ANKRA2: variants seen among roughly 807,000 people sequenced by gnomAD.
The protein encoded by ANKRA2 is ankyrin repeat family A member 2.
A neutral mutation model predicts 37.8 loss-of-function variants in ANKRA2; 33 were observed. The ratio of observed to expected loss-of-function variants is 0.87; its 90% CI spans 0.66 to 1.17. The LOEUF (loss-of-function observed/expected upper bound fraction) is 1.17, where lower values mean the gene tolerates loss of function less well. ANKRA2 is among the 50% of genes most tolerant of loss of function. The pLI is 0.00. For missense variants in ANKRA2, 326 were observed against 373.7 expected (o/e 0.87, Z 1.05); for synonymous variants, 126 against 132.3 (o/e 0.95, Z 0.33).
At position 73,565,130 on chromosome 5, in the gene ANKRA2, AC is replaced by A. The variant is rs1201558766; in HGVS notation, c.-105+1del. 1 of 152,172 alleles carries A rather than the reference AC, an allele frequency of 6.6e-6. No individual in the cohort carries two copies. Among genetic ancestry groups the A allele is most frequent in the Non-Finnish European group, 1.5e-5 (1 of 68,040 alleles). 9.4% of individuals were successfully genotyped at this position (152,172 alleles called of 1,614,324 possible). A position where few individuals can be genotyped will look rare whatever the true frequency, so the allele number is the denominator to read the frequency against. On this transcript the variant is annotated splice_donor_variant, in intron 1 of 8. Transcript: ENST00000296785. LOFTEE classifies it low-confidence loss of function (5UTR_SPLICE). The stretch of plus-strand genomic sequence containing the variant: ...GTGCTATGAAAATAAATGATGCCTC[AC>A]AGGCGACAGGTGTCCCAGCGTCCCG...
At chr5:73,562,498 A>C in intron 2 of ANKRA2, 95 bp downstream of exon 2, 1 of 1,243,784 alleles carries the variant, frequency 8.0e-7, no homozygotes, top group Admixed American at 2.6e-5. Context: ...TGACTTCTAA[A>C]CTGTCTTCCC....
At position 73,557,467 on chromosome 5, in the gene ANKRA2, T is replaced by C. The variant is rs1443840324; in HGVS notation, c.514+108A>G. On this transcript the variant is annotated intron_variant, in intron 4 of 8. Coordinates refer to ENST00000296785, the MANE Select transcript of ANKRA2 (RefSeq NM_023039.5). ...TTGGGTTATCTGCCTGGTGAGTTTA[T>C]GTAACTATTTGTTTTTGTCTTTAGG... 7.1e-6 allele frequency: 4 copies of C among 560,168 alleles called. No homozygotes were observed. The Admixed American group carries it at 1.6e-4, about 22-fold the overall frequency. 34.7% of individuals were successfully genotyped at this position (560,168 alleles called of 1,614,324 possible).
chr5:73,555,787 C>T (rs574095930), intron 4 of ANKRA2, among the ~76,000 whole-genome samples: 10 of 152,172 alleles, frequency 6.6e-5, no homozygotes, highest in South Asian at 2.1e-4. Context: ...TGTACATAGC[C>T]GGGTTCAGAT....
intron 4 of ANKRA2, among the ~76,000 whole-genome samples, chr5:73,556,741 C>T (rs1041695605): frequency 2.6e-5 from 4 of 152,076 alleles, no homozygotes; most frequent in African/African-American, 9.6e-5. Flanking sequence ...AAGCTAATTT[C>T]CTTAATTTAG....
intron 3 of ANKRA2, 115 bp downstream of exon 3, chr5:73,561,015 T>C (rs550825260): frequency 7.3e-6 from 8 of 1,101,992 alleles, no homozygotes; most frequent in Non-Finnish European, 1.0e-5. Flanking sequence ...CATTGTGTAG[T>C]ATAACACATT....
At chr5:73,556,931 T>G (rs1747411240) in intron 4 of ANKRA2, among the ~76,000 whole-genome samples, 1 of 150,970 alleles carries the variant, frequency 6.6e-6, no homozygotes, top group African/African-American at 2.4e-5. Flanking sequence ...ACTCTAGCTC[T>G]TGTGTGAGGA....
chr5:73,553,953 T>A (rs1039483286), intron 7 of ANKRA2, among the ~76,000 whole-genome samples: 15 of 152,138 alleles, frequency 9.9e-5, no homozygotes, highest in African/African-American at 3.6e-4. Context: ...GTATTTTCTG[T>A]AGAGACGGGG....
Position 73,552,604 on chromosome 5 carries a change from T to C in ANKRA2, c.*193A>G. 2.1e-6 allele frequency: 1 copy of C among 487,018 alleles called. No individual in the cohort carries two copies. Among genetic ancestry groups the C allele is most frequent in the Non-Finnish European group, 3.6e-6 (1 of 279,454 alleles). The allele number at this position is 487,018 out of a possible 1,614,324, so 30.2% of individuals were successfully genotyped here. A position where few individuals can be genotyped will look rare whatever the true frequency, so the allele number is the denominator to read the frequency against. Reference sequence around the variant, plus strand: ...AAACATTAATTTATAATTTTAAATATACAGTAAAACATAGTTATAAAAAGA... The same window carrying C: ...AAACATTAATTTATAATTTTAAATACACAGTAAAACATAGTTATAAAAAGA... On this transcript the variant is annotated 3_prime_UTR_variant, in exon 9 of 9. Coordinates refer to ENST00000296785, the MANE Select transcript of ANKRA2 (RefSeq NM_023039.5).
intron 4 of ANKRA2, among the ~76,000 whole-genome samples, 191 bp from the exon 5 acceptor site, chr5:73,555,776 A>C (rs556065760): frequency 3.9e-5 from 6 of 152,310 alleles, no homozygotes; most frequent in South Asian, 2.1e-4. Context: ...ATATGCCTCA[A>C]TGTACATAGC....
intron 5 of ANKRA2, 94 bp downstream of exon 5, chr5:73,555,394 A>G: frequency 6.5e-7 from 1 of 1,533,098 alleles, no homozygotes; most frequent in Non-Finnish European, 8.8e-7. Flanking sequence ...GGTAGCCTCT[A>G]CCATTATATC....
intron 1 of ANKRA2, among the ~76,000 whole-genome samples, chr5:73,564,150 T>G (rs1016826523): frequency 6.6e-6 from 1 of 150,976 alleles, no homozygotes; most frequent in African/African-American, 2.4e-5. Flanking sequence ...GTTAATACAT[T>G]TGGGCAAAAA....
intron 5 of ANKRA2, 28 bp downstream of exon 5, chr5:73,555,460 T>C (rs1172760860): frequency 6.2e-7 from 1 of 1,611,270 alleles, no homozygotes; most frequent in Non-Finnish European, 8.5e-7. Context: ...TAACTATACA[T>C]ATACATTTTC....
chr5:73,553,490 T>A lies in ANKRA2; in HGVS notation c.806-4A>T. On this transcript the variant is annotated splice_region_variant and splice_polypyrimidine_tract_variant and intron_variant, in intron 7 of 8. Transcript: ENST00000296785. ...ATTGTTGGATCAGCCCCACTTTCTATACCAAAATAGAAAAACTACATAAAT... is the reference window on the plus strand; with the variant it reads ...ATTGTTGGATCAGCCCCACTTTCTAAACCAAAATAGAAAAACTACATAAAT... 1.2e-6 allele frequency: 2 copies of A among 1,607,560 alleles called. No individual in the cohort carries two copies. The highest frequency in any genetic ancestry group is 2.7e-5 in the African/African-American group (2 of 74,898).
In ANKRA2 at chr5:73,561,255, C is replaced by T; in HGVS notation, c.323G>A (p.Gly108Glu). The change falls in exon 3 of 9, where the codon GGA (glycine) becomes GAA (glutamate). Residue 108 changes from glycine (G) to glutamate (E), a missense_variant. Transcript: ENST00000296785. ...ECNIHTSPSP[G>E]IQVRHVYTPS... ...GGTGTAGACATGCCTTACTTGAATTCCCGGAGAAGGAGATGTATGGATATT... is the reference window on the plus strand; with the variant it reads ...GGTGTAGACATGCCTTACTTGAATTTCCGGAGAAGGAGATGTATGGATATT... 1.2e-6 allele frequency: 2 copies of T among 1,613,092 alleles called. No individual in the cohort carries two copies. The highest frequency in any genetic ancestry group is 2.2e-5 in the South Asian group (2 of 91,014).
rs765718782 is a variant in ANKRA2, at chr5:73,562,745, T to C, written c.137A>G (p.Gln46Arg). The C allele has an allele frequency of 9.3e-6, 15 of 1,614,090 alleles. No individual in the cohort carries two copies. Among genetic ancestry groups the C allele is most frequent in the African/African-American group, 2.7e-5 (2 of 74,940 alleles). Residue 46 changes from glutamine (Q) to arginine (R), a missense_variant, in exon 2 of 9, where the codon CAG (glutamine) becomes CGG (arginine). By Grantham distance (43) the Gln-to-Arg change is conservative. Coordinates refer to ENST00000296785, the MANE Select transcript of ANKRA2 (RefSeq NM_023039.5). ...LDPNSEEGSA[Q>R]GVAMGMKFIL... is the part of the protein sequence containing the mutation. ...GAATTTCATTCCCATGGCAACACCC[T>C]GAGCTGACCCTTCTTCTGAATTTGG...
chr5:73,552,907 A>C (rs1228576252), intron 8 of ANKRA2, 55 bp from the exon 9 acceptor site: 8 of 1,417,332 alleles, frequency 5.6e-6, no homozygotes, highest in Non-Finnish European at 6.9e-6. Flanking sequence ...ATTTCTTTTA[A>C]AACTATCAAA....
At chr5:73,557,552 A>G in intron 4 of ANKRA2, 23 bp downstream of exon 4, 1 of 1,514,464 alleles carries the variant, frequency 6.6e-7, no homozygotes, top group Non-Finnish European at 9.0e-7. Context: ...AATTTGTTTA[A>G]ATATTTTTAA....
In ANKRA2 at chr5:73,552,656, A is replaced by C; in HGVS notation, c.*141T>G. 1 of 676,122 alleles carries C rather than the reference A, an allele frequency of 1.5e-6. No individual in the cohort carries two copies. Among genetic ancestry groups the C allele is most frequent in the South Asian group, 1.8e-5 (1 of 54,764 alleles). 41.9% of individuals were successfully genotyped at this position (676,122 alleles called of 1,614,324 possible). A position where few individuals can be genotyped will look rare whatever the true frequency, so the allele number is the denominator to read the frequency against. On this transcript the variant is annotated 3_prime_UTR_variant, in exon 9 of 9. Coordinates refer to ENST00000296785, the MANE Select transcript of ANKRA2 (RefSeq NM_023039.5). Reference sequence around the variant, plus strand: ...TATTACATTTATTATAAACCAGTGAATTACTCAGAGAAATATTTATTAAAA... The same window carrying C: ...TATTACATTTATTATAAACCAGTGACTTACTCAGAGAAATATTTATTAAAA...
At chr5:73,556,074 A>C (rs1747391638) in intron 4 of ANKRA2, among the ~76,000 whole-genome samples, 1 of 152,250 alleles carries the variant, frequency 6.6e-6, no homozygotes, top group Non-Finnish European at 1.5e-5. Context: ...TATTGAAGCT[A>C]TCTTCTACTC....
Sources: allele counts gnomAD v4.1 joint callset (sites outside exome capture counted in the v4.1 genomes callset), GRCh38; gene constraint gnomAD v4.1.1; transcripts MANE v1.5; gene names NCBI Gene and HGNC (gene_info 2026-07-23, HGNC 2026-07-21).